Variants in CCNB1IP1 observed in about 807,000 individuals in gnomAD.
CCNB1IP1 encodes E3 ubiquitin-protein ligase CCNB1IP1.
Under a neutral mutation model 25.6 loss-of-function variants are expected in CCNB1IP1, and 14 were observed. That is an observed-to-expected ratio of 0.55 (90% CI 0.36 to 0.85). CCNB1IP1 has a LOEUF of 0.85. Among genes scored for constraint, CCNB1IP1 ranks in the 40% least tolerant of loss-of-function variants. The pLI, the probability that CCNB1IP1 is intolerant of heterozygous loss-of-function variation, is 0.01. For synonymous variants in CCNB1IP1, 119 were observed against 116.1 expected (o/e 1.02, Z -0.16); for missense variants, 278 against 342.4 (o/e 0.81, Z 1.48).
At chr14:20,315,993 T>G (rs1387231352) in intron 5 of CCNB1IP1, 1 of 512,942 alleles carries the variant, frequency 1.9e-6, no homozygotes, top group Non-Finnish European at 3.4e-6. Context: ...TGTGTGTGTG[T>G]GTATACCCAA....
intron 1 of CCNB1IP1, chr14:20,332,695 G>A (rs1300666077): frequency 6.6e-6 from 1 of 152,072 alleles, no homozygotes; most frequent in Non-Finnish European, 1.5e-5. Flanking sequence ...TAAAAATTAG[G>A]AGCTCCTTTT....
intron 4 of CCNB1IP1, chr14:20,323,265 G>T (rs1276339835): frequency 2.0e-5 from 3 of 152,100 alleles, no homozygotes; most frequent in Admixed American, 6.6e-5. Flanking sequence ...AGCCATTTTT[G>T]ATATATGATG....
chr14:20,332,028 T>TG, intron 1 of CCNB1IP1, among the ~76,000 whole-genome samples: 1 of 27,104 alleles, frequency 3.7e-5, no homozygotes, highest in East Asian at 1.9e-3. Context: ...ATATATATAT[T>TG]TTTTTTTTTT....
intron 2 of CCNB1IP1, among the ~76,000 whole-genome samples, chr14:20,327,035 C>T (rs996550990): frequency 6.6e-6 from 1 of 151,942 alleles, no homozygotes; most frequent in Non-Finnish European, 1.5e-5. Context: ...GTGATCGTGC[C>T]ACTGTACTCC....
chr14:20,313,346 G>T, intron 6 of CCNB1IP1, 122 bp downstream of exon 6: 1 of 687,878 alleles, frequency 1.5e-6, no homozygotes, highest in Non-Finnish European at 2.4e-6. Context: ...AGAATTCAGA[G>T]CCTACCACAA....
At chr14:20,324,214 T>G (rs1357932852) in intron 4 of CCNB1IP1, among the ~76,000 whole-genome samples, 2 of 152,132 alleles carry the variant, frequency 1.3e-5, no homozygotes, top group African/African-American at 4.8e-5. Flanking sequence ...TGAGACGAAG[T>G]CTAGCTCTGT....
chr14:20,318,544 G>C (rs1882792303), intron 4 of CCNB1IP1: 1 of 151,838 alleles, frequency 6.6e-6, no homozygotes, highest in Admixed American at 6.6e-5. Flanking sequence ...ACCTACCTGC[G>C]TGCTCTCCTG....
intron 1 of CCNB1IP1, among the ~76,000 whole-genome samples, chr14:20,330,125 A>AAAAAAAAAAAAAAAAAAAAAC (rs1345596226): frequency 6.6e-6 from 1 of 150,928 alleles, no homozygotes; most frequent in African/African-American, 2.5e-5. Flanking sequence ...AAAACAAAAA[A>AAAAAAAAAAAAAAAAAAAAAC]CATGTCCTTT....
intron 5 of CCNB1IP1, chr14:20,315,831 C>T: frequency 1.8e-6 from 2 of 1,101,422 alleles, no homozygotes; most frequent in Non-Finnish European, 2.4e-6. Flanking sequence ...ATGGCTTGAA[C>T]CCAGGAGTTA....
intron 4 of CCNB1IP1, among the ~76,000 whole-genome samples, chr14:20,321,919 A>C (rs1299760678): frequency 1.3e-5 from 2 of 152,212 alleles, no homozygotes; most frequent in Admixed American, 1.3e-4. Context: ...TAAATATACC[A>C]TCATGGATGT....
At chr14:20,326,531 A>C in intron 3 of CCNB1IP1, 185 bp downstream of exon 3, 2 of 534,698 alleles carry the variant, frequency 3.7e-6, no homozygotes, top group Non-Finnish European at 7.7e-6. Context: ...CAAACTGTAA[A>C]TGACTGAGGA....
chr14:20,330,341 G>A (rs1346545189), intron 1 of CCNB1IP1, among the ~76,000 whole-genome samples: 1 of 152,064 alleles, frequency 6.6e-6, no homozygotes, highest in African/African-American at 2.4e-5. Flanking sequence ...CCAAAAGGAG[G>A]AAAAGAGAGA....
At chr14:20,321,606 C>T (rs1046151280) in intron 4 of CCNB1IP1, among the ~76,000 whole-genome samples, 1 of 152,158 alleles carries the variant, frequency 6.6e-6, no homozygotes. Context: ...CACGCTGCCC[C>T]ACCCAGCTAA....
At chr14:20,325,233 A>G (rs1043021922) in intron 4 of CCNB1IP1, among the ~76,000 whole-genome samples, 1 of 150,938 alleles carries the variant, frequency 6.6e-6, no homozygotes, top group African/African-American at 2.4e-5. Flanking sequence ...CATCCCGGCT[A>G]AAACGGTGAA....
At chr14:20,315,793 A>T in intron 5 of CCNB1IP1, 1 of 1,262,776 alleles carries the variant, frequency 7.9e-7, no homozygotes, top group South Asian at 1.3e-5. Flanking sequence ...AGTGAAGCAC[A>T]GGCTACTCAG....
At chr14:20,321,218 C>T (rs1186635661) in intron 4 of CCNB1IP1, among the ~76,000 whole-genome samples, 1 of 151,970 alleles carries the variant, frequency 6.6e-6, no homozygotes, top group African/African-American at 2.4e-5. Flanking sequence ...GGAGAAAAGG[C>T]TTTGAGTTTC....
At chr14:20,315,070 A>G (rs1409139426) in intron 5 of CCNB1IP1, among the ~76,000 whole-genome samples, 2 of 143,268 alleles carry the variant, frequency 1.4e-5, no homozygotes, top group African/African-American at 5.2e-5. Context: ...CAGCCTGGAC[A>G]ACAAAGCGAG....
intron 2 of CCNB1IP1, among the ~76,000 whole-genome samples, chr14:20,328,068 A>C (rs1294104255): frequency 6.6e-6 from 1 of 152,224 alleles, no homozygotes; most frequent in Non-Finnish European, 1.5e-5. Context: ...ATAAGCTGAC[A>C]GAAAAGAAAG....
chr14:20,320,666 G>A (rs1302598338), intron 4 of CCNB1IP1, among the ~76,000 whole-genome samples: 1 of 151,702 alleles, frequency 6.6e-6, no homozygotes, highest in Non-Finnish European at 1.5e-5. Context: ...TTAGCTGGAT[G>A]TGGTGGCAGG....
Sources: gnomAD v4.1 joint callset for allele counts (sites outside exome capture counted in the v4.1 genomes callset) on GRCh38, gnomAD v4.1.1 for gene constraint, MANE v1.5 for transcripts, NCBI Gene and HGNC (gene_info 2026-07-23, HGNC 2026-07-21) for gene names.